The following ABI3BP variants were observed in gnomAD, a reference collection of about 807,000 sequenced individuals.
ABI3BP encodes ABI family member 3 binding protein, also known as target of Nesh-SH3.
ABI3BP carries 216 observed loss-of-function variants against 268.6 expected under a neutral mutation model. The observed-to-expected ratio is 0.80, with a 90% CI of 0.72 to 0.90. The LOEUF (loss-of-function observed/expected upper bound fraction) is 0.90. Among genes scored for constraint, ABI3BP ranks in the 40% least tolerant of loss-of-function variants. ABI3BP has a pLI of 0.00. For missense variants in ABI3BP, 2,090 were observed against 2,182.4 expected, an observed-to-expected ratio of 0.96 and a Z score of 0.84; for synonymous variants, 730 against 730.0, an observed-to-expected ratio of 1.00 and a Z score of 0.00.
At chr3:100,865,577 C>G (rs1482287077) in intron 10 of ABI3BP, among the ~76,000 whole-genome samples, 1 of 152,156 alleles carries the variant, frequency 6.6e-6, no homozygotes, top group Non-Finnish European at 1.5e-5. Flanking sequence ...TCACTGGGAT[C>G]TGAAATGAAT....
At chr3:100,950,458 G>GTTT (rs2074448801) in intron 1 of ABI3BP, among the ~76,000 whole-genome samples, 1 of 152,024 alleles carries the variant, frequency 6.6e-6, no homozygotes, top group African/African-American at 2.4e-5. Context: ...GAGGAGCACT[G>GTTT]ACTAGTTAGA....
At position 100,820,188 on chromosome 3, in the gene ABI3BP, A is replaced by G. The variant is rs187917949; in HGVS notation, c.3031+32T>C. 1.0e-3 allele frequency: 1,495 copies of G among 1,494,044 alleles called. 21 individuals carry two copies. The highest frequency in any genetic ancestry group is 1.6e-4 in the Non-Finnish European group (181 of 1,108,826). 92.5% of individuals were successfully genotyped at this position (1,494,044 alleles called of 1,614,324 possible). ...TTATAAATTCCTGAGAGCAGCTAGG[A>G]TGAGCTACTTTAACCAGAAACCCAA... On this transcript the variant is annotated intron_variant, in intron 40 of 67. Transcript: ENST00000471714.
intron 6 of ABI3BP, among the ~76,000 whole-genome samples, chr3:100,877,305 T>G (rs2099170228): frequency 6.6e-6 from 1 of 152,218 alleles, no homozygotes; most frequent in African/African-American, 2.4e-5. Flanking sequence ...CTGCTGCTGC[T>G]GCTGTTACTA....
At chr3:100,867,018 T>C (rs916335120) in intron 9 of ABI3BP, 62 bp from the exon 10 acceptor site, 16 of 1,272,506 alleles carry the variant, frequency 1.3e-5, no homozygotes, top group Admixed American at 5.3e-5. Context: ...CCTCCCTCAA[T>C]GCATAATCAA....
chr3:100,919,562 T>G (rs2059634085), intron 2 of ABI3BP, among the ~76,000 whole-genome samples: 1 of 152,236 alleles, frequency 6.6e-6, no homozygotes, highest in East Asian at 1.9e-4. Context: ...ATCTGATCAA[T>G]CGTAAATCAA....
At chr3:100,775,925 T>C (rs1199155302) in intron 59 of ABI3BP, among the ~76,000 whole-genome samples, 1 of 151,908 alleles carries the variant, frequency 6.6e-6, no homozygotes, top group African/African-American at 2.4e-5. Flanking sequence ...TGGGACAGGA[T>C]GTAAGGGGTG....
At chr3:100,888,968 G>A (rs2043215655) in intron 4 of ABI3BP, among the ~76,000 whole-genome samples, 1 of 151,866 alleles carries the variant, frequency 6.6e-6, no homozygotes, top group Admixed American at 6.6e-5. Flanking sequence ...ATAAATATTT[G>A]TGGAATGAAT....
chr3:100,926,326 C>T lies in ABI3BP; in HGVS notation c.235G>A (p.Gly79Arg), dbSNP rs1294019384. 1.9e-6 allele frequency: 3 copies of T among 1,613,294 alleles called. No individual in the cohort carries two copies. In the Admixed American group the frequency reaches 5.0e-5, roughly 27 times the overall value. ...CCAACTATAGCTTCTGTGAATTTCC[C>T]TTCAGCGGGAAGAGGGAAGTACTGG... ...PNQYFPLPAEGKFTEAIVDAE... is the reference protein window; with the variant it reads ...PNQYFPLPAERKFTEAIVDAE... The change falls in exon 2 of 68, where the codon GGG (glycine) becomes AGG (arginine). Residue 79 changes from glycine (G) to arginine (R), a missense_variant. Transcript: ENST00000471714.
intron 6 of ABI3BP, among the ~76,000 whole-genome samples, chr3:100,885,271 C>A (rs760064619): frequency 2.0e-5 from 3 of 152,072 alleles, no homozygotes; most frequent in South Asian, 2.1e-4. Context: ...ATATGTATAA[C>A]CTTGAAATAC....
intron 1 of ABI3BP, among the ~76,000 whole-genome samples, chr3:100,978,253 G>A (rs943274681): frequency 6.6e-6 from 1 of 152,168 alleles, no homozygotes; most frequent in African/African-American, 2.4e-5. Flanking sequence ...TAGCTGAAGG[G>A]CTGGCTAGCA....
At chr3:100,977,238 G>C (rs1326430095) in intron 1 of ABI3BP, among the ~76,000 whole-genome samples, 1 of 151,970 alleles carries the variant, frequency 6.6e-6, no homozygotes, top group Non-Finnish European at 1.5e-5. Flanking sequence ...AATTAAAAAG[G>C]CATCACATAT....
At chr3:100,989,879 T>C (rs993834132) in intron 1 of ABI3BP, among the ~76,000 whole-genome samples, 1 of 152,140 alleles carries the variant, frequency 6.6e-6, no homozygotes, top group African/African-American at 2.4e-5. Flanking sequence ...CTTCCAAAGG[T>C]ATAAAACAAT....
At chr3:100,819,645 A>G (rs2098147726) in intron 40 of ABI3BP, among the ~76,000 whole-genome samples, 1 of 152,030 alleles carries the variant, frequency 6.6e-6, no homozygotes, top group Non-Finnish European at 1.5e-5. Flanking sequence ...GGACAATTGA[A>G]TGAAATAAAA....
intron 4 of ABI3BP, 120 bp downstream of exon 4, chr3:100,898,642 C>T (rs1342768756): frequency 9.6e-6 from 11 of 1,141,894 alleles, no homozygotes; most frequent in Non-Finnish European, 1.3e-5. Flanking sequence ...GACTTTGTTC[C>T]CCTCACACCT....
chr3:100,874,239 T>C (rs1014973982), intron 9 of ABI3BP, among the ~76,000 whole-genome samples: 4 of 152,250 alleles, frequency 2.6e-5, no homozygotes, highest in Middle Eastern at 3.4e-3. Context: ...CTCCAGGTGC[T>C]CCTGATGTTT....
chr3:100,967,657 C>T (rs1190222072), intron 1 of ABI3BP, among the ~76,000 whole-genome samples: 2 of 152,068 alleles, frequency 1.3e-5, no homozygotes, highest in African/African-American at 4.8e-5. Context: ...TTTGCTCATG[C>T]CTCTTTGTAA....
chr3:100,840,129 G>C lies in ABI3BP; in HGVS notation c.1840C>G (p.Arg614Gly). The C allele has an allele frequency of 6.5e-7, 1 of 1,529,214 alleles. No homozygotes were observed. Among genetic ancestry groups the C allele is most frequent in the Non-Finnish European group, 8.7e-7 (1 of 1,143,664 alleles). 94.7% of individuals were successfully genotyped at this position (1,529,214 alleles called of 1,614,324 possible). Residue 614 changes from arginine (R) to glycine (G), a missense_variant, in exon 23 of 68, where the codon CGC becomes GGC. Arg to Gly is a moderately radical substitution (Grantham distance 125). Transcript: ENST00000471714. ...RKTKRPGRRP[R>G]PRPRPKTTPS... The stretch of plus-strand genomic sequence containing the variant: ...GTGGTTTTAGGGCGGGGACGGGGGC[G>C]GGGGCGACGACCTGGTCTTTTGGTC...
chr3:100,915,707 C>G (rs1483162117), intron 2 of ABI3BP, among the ~76,000 whole-genome samples: 1 of 152,142 alleles, frequency 6.6e-6, no homozygotes, highest in South Asian at 2.1e-4. Flanking sequence ...GACAGCAGGG[C>G]ATTAAACCCA....
At chr3:100,879,981 C>A (rs1387334809) in intron 6 of ABI3BP, among the ~76,000 whole-genome samples, 2 of 152,120 alleles carry the variant, frequency 1.3e-5, no homozygotes, top group African/African-American at 4.8e-5. Context: ...AGTTTGTTAA[C>A]CAGACTCACT....
Sources: gnomAD v4.1 joint callset for allele counts (sites outside exome capture counted in the v4.1 genomes callset) on GRCh38, gnomAD v4.1.1 for gene constraint, MANE v1.5 for transcripts, NCBI Gene and HGNC (gene_info 2026-07-23, HGNC 2026-07-21) for gene names.